Variants in CYTH3 observed in about 807,000 individuals in gnomAD.
The protein encoded by CYTH3 is cytohesin-3.
Under a neutral mutation model 55.1 loss-of-function variants are expected in CYTH3, and 23 were observed. The observed-to-expected ratio is 0.42, with a 90% CI of 0.30 to 0.59. The LOEUF is 0.59. Ranked by LOEUF, CYTH3 falls within the 20% of genes least tolerant of loss-of-function variation. The probability of loss-of-function intolerance (pLI) is 0.20; values close to 1 mark genes in which losing one functional copy is unlikely to be tolerated. For synonymous variants in CYTH3, 249 were observed against 194.9 expected, an observed-to-expected ratio of 1.28 and a Z score of -2.31; for missense variants, 413 against 524.8, an observed-to-expected ratio of 0.79 and a Z score of 2.08.
rs1562417947 is a variant in CYTH3, at chr7:6,259,805, ATATATATAATATATATATATATATATAT to A, written c.34+12641_34+12668del. 2.5e-3 allele frequency among the ~76,000 whole-genome samples: 65 copies of A among 25,686 alleles called. 3 individuals carry two copies. Among genetic ancestry groups the A allele is most frequent in the Middle Eastern group, 0.036 (1 of 28 alleles). The allele number at this position is 25,686 out of a possible 152,430, so 16.9% of individuals were successfully genotyped here. On this transcript the variant is annotated intron_variant, in intron 1 of 12. Transcript: ENST00000350796. ...ATATAATATATATATATATATATAT[ATATATATAATATATATATATATATATAT>A]TTTTTTTTTTTTTTAAGACGGATTT... is the stretch of plus-strand genomic sequence containing the variant.
At chr7:6,172,504 C>T (rs4724785) in intron 6 of CYTH3, among the ~76,000 whole-genome samples, 119,858 of 152,124 alleles carry the variant, frequency 0.79, 48,237 homozygotes, top group East Asian at 1. Flanking sequence ...GCTTGCCGTG[C>T]CCCTCAGGAC....
chr7:6,201,397 T>C, intron 1 of CYTH3, among the ~76,000 whole-genome samples: 1 of 152,286 alleles, frequency 6.6e-6, no homozygotes, highest in South Asian at 2.1e-4. Context: ...TCTTGTCATT[T>C]CTCCTCAATC....
intron 1 of CYTH3, 22 bp downstream of exon 1, chr7:6,272,452 C>T (rs1336441448): frequency 1.5e-6 from 2 of 1,351,646 alleles, no homozygotes; most frequent in African/African-American, 3.1e-5. Context: ...GCCGGCGAGC[C>T]CACCACACCT....
chr7:6,191,591 CTTTTTTT>C (rs1172231329), intron 1 of CYTH3, among the ~76,000 whole-genome samples: 1 of 105,072 alleles, frequency 9.5e-6, no homozygotes, highest in South Asian at 3.2e-4. Context: ...TAGGGAAGGA[CTTTTTTT>C]TTTTTTTTTT....
At chr7:6,240,264 T>C (rs902003571) in intron 1 of CYTH3, among the ~76,000 whole-genome samples, 3 of 146,422 alleles carry the variant, frequency 2.0e-5, no homozygotes, top group African/African-American at 7.8e-5. Flanking sequence ...GATCGTGCCA[T>C]TGTACTCCAG....
intron 1 of CYTH3, among the ~76,000 whole-genome samples, chr7:6,257,558 ATTTTG>A (rs72184037): frequency 0.15 from 22,708 of 152,140 alleles, 2,199 homozygotes; most frequent in South Asian, 0.2. Context: ...ACGAAAACGT[ATTTTG>A]TTTTATTAAA....
intron 1 of CYTH3, among the ~76,000 whole-genome samples, chr7:6,239,101 C>A (rs1004658723): frequency 2.0e-5 from 3 of 152,278 alleles, no homozygotes; most frequent in African/African-American, 7.2e-5. Context: ...GTAGTCCCAA[C>A]TACTCAGGAG....
chr7:6,228,062 G>T (rs191816197), intron 1 of CYTH3, among the ~76,000 whole-genome samples: 1 of 152,216 alleles, frequency 6.6e-6, no homozygotes, highest in Admixed American at 6.5e-5. Context: ...GAAATGTGAA[G>T]CTTTCCCTTA....
At chr7:6,178,289 A>C (rs1367206088) in intron 4 of CYTH3, among the ~76,000 whole-genome samples, 1 of 152,242 alleles carries the variant, frequency 6.6e-6, no homozygotes, top group Non-Finnish European at 1.5e-5. Context: ...TCTGCGAGGA[A>C]AACTTTGTGG....
chr7:6,250,781 T>G (rs145576731), intron 1 of CYTH3, among the ~76,000 whole-genome samples: 1 of 152,224 alleles, frequency 6.6e-6, no homozygotes, highest in African/African-American at 2.4e-5. Flanking sequence ...ATGAATATAC[T>G]AAAAGCCATT....
At chr7:6,260,517 A>G (rs1780326846) in intron 1 of CYTH3, among the ~76,000 whole-genome samples, 1 of 152,028 alleles carries the variant, frequency 6.6e-6, no homozygotes, top group African/African-American at 2.4e-5. Context: ...CCTTCAGCAA[A>G]GACACACCTT....
chr7:6,203,639 C>G (rs1047721201), intron 1 of CYTH3, among the ~76,000 whole-genome samples: 1 of 152,090 alleles, frequency 6.6e-6, no homozygotes, highest in African/African-American at 2.4e-5. Context: ...ATCAACTATT[C>G]TGAGTAGACA....
intron 1 of CYTH3, among the ~76,000 whole-genome samples, chr7:6,220,142 C>T (rs1784520371): frequency 6.6e-6 from 1 of 152,148 alleles, no homozygotes; most frequent in Admixed American, 6.5e-5. Flanking sequence ...AGTGATCTGC[C>T]CGCCTCGGCC....
At chr7:6,268,447 G>C (rs1780565486) in intron 1 of CYTH3, among the ~76,000 whole-genome samples, 1 of 152,176 alleles carries the variant, frequency 6.6e-6, no homozygotes, top group Non-Finnish European at 1.5e-5. Flanking sequence ...TAGGATTATA[G>C]GTGAGAGCCG....
intron 1 of CYTH3, among the ~76,000 whole-genome samples, chr7:6,222,813 CATT>C (rs1336434856): frequency 6.6e-6 from 1 of 150,838 alleles, no homozygotes; most frequent in Non-Finnish European, 1.5e-5. Flanking sequence ...AACCATTATA[CATT>C]ATTATAAAGT....
At chr7:6,263,117 ACATT>A (rs961261723) in intron 1 of CYTH3, among the ~76,000 whole-genome samples, 1 of 152,208 alleles carries the variant, frequency 6.6e-6, no homozygotes, top group Admixed American at 6.5e-5. Flanking sequence ...TCTCCAAAAT[ACATT>A]CCATCCCATA....
At chr7:6,179,602 ACCACACAC>A (rs1783424703) in intron 4 of CYTH3, among the ~76,000 whole-genome samples, 1 of 92,614 alleles carries the variant, frequency 1.1e-5, no homozygotes, top group Admixed American at 9.9e-5. Context: ...ACACACACAC[ACCACACAC>A]CACACACACA....
At chr7:6,189,654 A>T (rs534258239) in intron 2 of CYTH3, among the ~76,000 whole-genome samples, 16 of 152,188 alleles carry the variant, frequency 1.1e-4, no homozygotes, top group African/African-American at 3.4e-4. Context: ...CTTGGTACAC[A>T]GCTGGAACCC....
At chr7:6,192,189 T>A (rs1370103011) in intron 1 of CYTH3, among the ~76,000 whole-genome samples, 1 of 152,184 alleles carries the variant, frequency 6.6e-6, no homozygotes, top group Non-Finnish European at 1.5e-5. Flanking sequence ...AGAATTCGGA[T>A]TCAAAATATG....
Sources: allele counts gnomAD v4.1 joint callset (sites outside exome capture counted in the v4.1 genomes callset), GRCh38; gene constraint gnomAD v4.1.1; transcripts MANE v1.5; gene names NCBI Gene and HGNC (gene_info 2026-07-23, HGNC 2026-07-21).